Variants in SORCS3 observed in about 807,000 individuals in gnomAD.
SORCS3 encodes sortilin related VPS10 domain containing receptor 3, also known as VPS10 domain-containing receptor SorCS3.
Under a neutral mutation model 146.3 loss-of-function variants are expected in SORCS3, and 57 were observed. That is an observed-to-expected ratio of 0.39 (90% CI 0.31 to 0.49). SORCS3 has a LOEUF of 0.49. SORCS3 is among the 20% of genes least tolerant of loss of function. The pLI is 0.92. For synonymous variants in SORCS3, 653 were observed against 618.5 expected (o/e 1.06, Z -0.83); for missense variants, 1,341 against 1,575.5 (o/e 0.85, Z 2.52).
At position 104,669,894 on chromosome 10, in the gene SORCS3, G is replaced by GT. The variant is rs34951100; in HGVS notation, c.627+27951dup. 1.1e-3 allele frequency among the ~76,000 whole-genome samples: 167 copies of GT among 145,330 alleles called. 1 individual carries two copies. The highest frequency in any genetic ancestry group is 9.6e-3 in the South Asian group (44 of 4,604). On this transcript the variant is annotated intron_variant, in intron 1 of 26. Transcript: ENST00000369701. ...CTCCACGTCCTCACCAACACTTTCT[G>GT]TTTTTTTTTTTATAGTAGTCATCTG...
intron 4 of SORCS3, among the ~76,000 whole-genome samples, chr10:105,005,099 T>A (rs1248369151): frequency 6.6e-6 from 1 of 152,190 alleles, no homozygotes. Context: ...GTAAATTATA[T>A]GAATACCACA....
At chr10:105,205,142 C>A (rs1173486122) in intron 16 of SORCS3, among the ~76,000 whole-genome samples, 3 of 152,200 alleles carry the variant, frequency 2.0e-5, no homozygotes, top group Non-Finnish European at 4.4e-5. Flanking sequence ...GCCTCAGAGA[C>A]AGCAGAGAGA....
In SORCS3 at chr10:104,969,416, C is replaced by A. The variant is rs143992178; in HGVS notation, c.796-7919C>A. Among the ~76,000 whole-genome samples, 497 of 151,562 alleles carry A rather than the reference C, an allele frequency of 3.3e-3. 5 individuals carry two copies. Among genetic ancestry groups the A allele is most frequent in the African/African-American group, 0.011 (444 of 41,262 alleles). On this transcript the variant is annotated intron_variant, in intron 3 of 26. Coordinates refer to ENST00000369701, the MANE Select transcript of SORCS3 (RefSeq NM_014978.3). ...GAGTAATAGGCAAGTTGCTTTTCTC[C>A]TGAGCCTCAGTTTCCTTATCTGTAA...
At chr10:105,085,371 A>C (rs769095072) in intron 5 of SORCS3, among the ~76,000 whole-genome samples, 64 of 152,172 alleles carry the variant, frequency 4.2e-4, no homozygotes, top group Non-Finnish European at 8.8e-4. Context: ...TCAGCAGCCA[A>C]GTTATTTTAC....
intron 3 of SORCS3, among the ~76,000 whole-genome samples, chr10:104,916,958 G>A (rs2019036241): frequency 6.6e-6 from 1 of 152,172 alleles, no homozygotes; most frequent in Non-Finnish European, 1.5e-5. Flanking sequence ...GCTCAGAGCA[G>A]AGCAGCTTTT....
chr10:104,749,829 T>C (rs2016962796), intron 1 of SORCS3, among the ~76,000 whole-genome samples: 1 of 152,242 alleles, frequency 6.6e-6, no homozygotes, highest in Non-Finnish European at 1.5e-5. Flanking sequence ...ATTTATTTGA[T>C]TTCCTCATGG....
chr10:104,986,051 GC>G (rs1377936587), intron 4 of SORCS3, among the ~76,000 whole-genome samples: 7 of 152,276 alleles, frequency 4.6e-5, no homozygotes, highest in South Asian at 2.1e-4. Flanking sequence ...TTGAAGCCAG[GC>G]ATTGACTTCT....
At chr10:104,870,067 T>C (rs2018502530) in intron 2 of SORCS3, among the ~76,000 whole-genome samples, 1 of 152,240 alleles carries the variant, frequency 6.6e-6, no homozygotes, top group South Asian at 2.1e-4. Context: ...AGAAATGCTC[T>C]CTATTGCTGT....
At chr10:105,259,853 TG>T (rs2056950845) in intron 25 of SORCS3, among the ~76,000 whole-genome samples, 2 of 152,196 alleles carry the variant, frequency 1.3e-5, no homozygotes, top group African/African-American at 4.8e-5. Context: ...TTTTGTTTTT[TG>T]TTTTTAGAGG....
At chr10:104,855,994 T>C (rs12268622) in intron 2 of SORCS3, among the ~76,000 whole-genome samples, 27,578 of 152,092 alleles carry the variant, frequency 0.18, 5,675 homozygotes, top group African/African-American at 0.51. Flanking sequence ...CCTTGGCCTC[T>C]TAAGAAGTGC....
intron 25 of SORCS3, 125 bp from the exon 26 acceptor site, chr10:105,262,206 A>G: frequency 1.2e-6 from 1 of 856,154 alleles, no homozygotes; most frequent in East Asian, 2.5e-5. Context: ...GGTTACCAAT[A>G]TCTTTCCCTG....
At chr10:105,248,759 A>T (rs1032627963) in intron 22 of SORCS3, among the ~76,000 whole-genome samples, 6 of 152,006 alleles carry the variant, frequency 3.9e-5, no homozygotes, top group African/African-American at 1.4e-4. Context: ...GAAATGGCAA[A>T]GAGTTTGGTG....
At chr10:105,107,313 AT>A (rs34529775) in intron 7 of SORCS3, among the ~76,000 whole-genome samples, 3,499 of 134,212 alleles carry the variant, frequency 0.026, 96 homozygotes, top group African/African-American at 0.075. Flanking sequence ...TTCTATTTAG[AT>A]TTTTTTTTTT....
rs1430176800 is a variant in SORCS3 at position 104,852,375 on chromosome 10, C to T, written c.695+9516C>T. 1.3e-5 allele frequency among the ~76,000 whole-genome samples: 2 copies of T among 152,166 alleles called. 1 individual carries two copies. Among genetic ancestry groups the T allele is most frequent in the African/African-American group, 4.8e-5 (2 of 41,442 alleles). On this transcript the variant is annotated intron_variant, in intron 2 of 26. Transcript: ENST00000369701. ...ACAGATTTGGCAACCATTCATGTTT[C>T]ATGTGAGATCTATGGCCGAGGGACT...
intron 13 of SORCS3, among the ~76,000 whole-genome samples, chr10:105,173,362 T>G (rs2056375472): frequency 1.3e-5 from 2 of 151,872 alleles, no homozygotes; most frequent in African/African-American, 4.8e-5. Context: ...AAAAACTGCT[T>G]CTTCTGTTCT....
chr10:105,122,555 T>C (rs764047441), intron 7 of SORCS3, among the ~76,000 whole-genome samples: 2 of 152,200 alleles, frequency 1.3e-5, no homozygotes, highest in Non-Finnish European at 2.9e-5. Flanking sequence ...TAATCTTGTA[T>C]TGAGCACTTA....
At chr10:105,228,422 C>G (rs773499024) in intron 20 of SORCS3, among the ~76,000 whole-genome samples, 2 of 149,574 alleles carry the variant, frequency 1.3e-5, no homozygotes, top group African/African-American at 4.9e-5. Flanking sequence ...TTCTCTGTTT[C>G]TTGCTTTCTT....
rs117685299 is a variant in SORCS3 at position 104,925,395 on chromosome 10, A to C, written c.795+9463A>C. On this transcript the variant is annotated intron_variant, in intron 3 of 26. Transcript: ENST00000369701. ...CACTTAATTTTTTTGTCCAAGGCAA[A>C]CATGATATAAGGAATATGCACTACC... Among the ~76,000 whole-genome samples, 339 of 152,282 alleles carry C rather than the reference A, an allele frequency of 2.2e-3. 11 individuals are homozygous for C. The East Asian group carries it at 0.06, about 27-fold the overall frequency.
At chr10:104,911,428 A>C (rs1245542395) in intron 2 of SORCS3, among the ~76,000 whole-genome samples, 6 of 152,222 alleles carry the variant, frequency 3.9e-5, no homozygotes, top group Non-Finnish European at 8.8e-5. Context: ...AGTCAGTGTT[A>C]ATCTGTCATG....
Sources: gnomAD v4.1 joint callset for allele counts (sites outside exome capture counted in the v4.1 genomes callset) on GRCh38, gnomAD v4.1.1 for gene constraint, MANE v1.5 for transcripts, NCBI Gene and HGNC (gene_info 2026-07-23, HGNC 2026-07-21) for gene names.